The following SEMA5A variants were observed in gnomAD, a reference collection of about 807,000 sequenced individuals.
SEMA5A encodes semaphorin 5A, also known as semaphorin-5A.
SEMA5A carries 55 observed loss-of-function variants against 135.5 expected under a neutral mutation model. That is an observed-to-expected ratio of 0.41 (90% CI 0.33 to 0.51). The LOEUF (loss-of-function observed/expected upper bound fraction) is 0.51. SEMA5A is among the 20% of genes least tolerant of loss of function. SEMA5A has a pLI of 0.37. For missense variants in SEMA5A, 1,290 were observed against 1,419.9 expected (o/e 0.91, Z 1.47); for synonymous variants, 580 against 546.5 (o/e 1.06, Z -0.85).
At chr5:9,054,865 C>G (rs995555955) in intron 18 of SEMA5A, among the ~76,000 whole-genome samples, 2 of 152,186 alleles carry the variant, frequency 1.3e-5, no homozygotes, top group African/African-American at 2.4e-5. Flanking sequence ...ACAGACTTGA[C>G]ACTATGTTTA....
At chr5:9,193,032 C>T (rs766287096) in intron 10 of SEMA5A, among the ~76,000 whole-genome samples, 1 of 151,986 alleles carries the variant, frequency 6.6e-6, no homozygotes. Flanking sequence ...ATTTATATAT[C>T]GCCTGTATCA....
intron 22 of SEMA5A, 48 bp from the exon 23 acceptor site, chr5:9,043,064 T>C (rs753019826): frequency 6.7e-7 from 1 of 1,492,346 alleles, no homozygotes; most frequent in South Asian, 1.2e-5. Flanking sequence ...CTGAGTAGCA[T>C]TTCAGAAATA....
chr5:9,434,687 T>C (rs777663364), intron 2 of SEMA5A, among the ~76,000 whole-genome samples: 15 of 152,146 alleles, frequency 9.9e-5, no homozygotes, highest in Non-Finnish European at 1.8e-4. Flanking sequence ...TAATAAGGAA[T>C]CAAGGATAGT....
intron 6 of SEMA5A, among the ~76,000 whole-genome samples, chr5:9,234,106 G>A (rs1448572638): frequency 6.6e-6 from 1 of 152,200 alleles, no homozygotes; most frequent in East Asian, 1.9e-4. Context: ...ACTAAGAAAA[G>A]TCTTCATTCC....
chr5:9,197,251 G>A lies in SEMA5A; in HGVS notation c.985C>T (p.Gln329Ter). 1 of 1,614,210 alleles carries A rather than the reference G, an allele frequency of 6.2e-7. No individual in the cohort carries two copies. Among genetic ancestry groups the A allele is most frequent in the South Asian group, 1.1e-5 (1 of 91,082 alleles). Reference sequence around the variant, plus strand: ...TACTTGAAGGGCCCAGAGAAGGCCTGCGCGATGGCGCTCAGGTTGAAGACG... The same window carrying A: ...TACTTGAAGGGCCCAGAGAAGGCCTACGCGATGGCGCTCAGGTTGAAGACG... ...VCVFNLSAIA[Q>*]AFSGPFKYQE... Residue 329 changes from glutamine (Q) to a stop codon, truncating the protein, a stop_gained, in exon 10 of 23, where the codon CAG becomes TAG. Transcript: ENST00000382496. LOFTEE classifies it high-confidence loss of function.
At chr5:9,352,901 A>G (rs1754191555) in intron 3 of SEMA5A, among the ~76,000 whole-genome samples, 1 of 152,118 alleles carries the variant, frequency 6.6e-6, no homozygotes, top group African/African-American at 2.4e-5. Context: ...CAAAATATTT[A>G]CTATCTTACC....
chr5:9,157,248 TG>T (rs1418473252), intron 11 of SEMA5A, among the ~76,000 whole-genome samples: 3 of 152,202 alleles, frequency 2.0e-5, no homozygotes, highest in Admixed American at 6.5e-5. Context: ...AACTCCTGCA[TG>T]CTCACATGTT....
At chr5:9,323,822 T>C (rs2150682823) in intron 4 of SEMA5A, among the ~76,000 whole-genome samples, 1 of 151,846 alleles carries the variant, frequency 6.6e-6, no homozygotes, top group South Asian at 2.1e-4. Context: ...CCACCACGCC[T>C]GACTAATTTT....
intron 10 of SEMA5A, 40 bp downstream of exon 10, chr5:9,197,128 G>C (rs757700721): frequency 1.9e-6 from 3 of 1,612,764 alleles, no homozygotes; most frequent in Non-Finnish European, 2.5e-6. Flanking sequence ...CATTCTTCAT[G>C]GGGGATGCCA....
chr5:9,539,345 T>C (rs1737951808), intron 1 of SEMA5A, among the ~76,000 whole-genome samples: 1 of 152,242 alleles, frequency 6.6e-6, no homozygotes, highest in East Asian at 1.9e-4. Context: ...CACATTTTGT[T>C]TACCTATTCT....
At chr5:9,049,589 T>G (rs1232631448) in intron 21 of SEMA5A, among the ~76,000 whole-genome samples, 1 of 152,204 alleles carries the variant, frequency 6.6e-6, no homozygotes, top group Admixed American at 6.5e-5. Flanking sequence ...TGGGCTGGGC[T>G]CTCTGAGACA....
At chr5:9,055,757 G>T (rs902698717) in intron 18 of SEMA5A, among the ~76,000 whole-genome samples, 1 of 152,020 alleles carries the variant, frequency 6.6e-6, no homozygotes, top group Non-Finnish European at 1.5e-5. Context: ...GAATTCAACA[G>T]TATTTTCCCT....
intron 5 of SEMA5A, among the ~76,000 whole-genome samples, chr5:9,247,222 T>C (rs1748527984): frequency 6.6e-6 from 1 of 152,172 alleles, no homozygotes; most frequent in Admixed American, 6.6e-5. Context: ...CCATTTGTGA[T>C]TTTGTGTGTT....
At chr5:9,298,195 A>G (rs970407509) in intron 5 of SEMA5A, among the ~76,000 whole-genome samples, 2 of 151,870 alleles carry the variant, frequency 1.3e-5, no homozygotes, top group African/African-American at 2.4e-5. Flanking sequence ...TGTCCTATGA[A>G]AAAGGGAAAT....
At chr5:9,474,072 T>A (rs903786767) in intron 1 of SEMA5A, among the ~76,000 whole-genome samples, 13 of 152,146 alleles carry the variant, frequency 8.5e-5, no homozygotes, top group East Asian at 1.9e-4. Flanking sequence ...GAGTTTTTTT[T>A]AAATATTAGA....
At chr5:9,258,650 T>G (rs984433718) in intron 5 of SEMA5A, among the ~76,000 whole-genome samples, 1 of 152,146 alleles carries the variant, frequency 6.6e-6, no homozygotes, top group Non-Finnish European at 1.5e-5. Context: ...CATTGCTTGC[T>G]GGATATAATA....
chr5:9,354,864 A>G (rs1049201159), intron 3 of SEMA5A, among the ~76,000 whole-genome samples: 11 of 152,182 alleles, frequency 7.2e-5, no homozygotes, highest in African/African-American at 1.9e-4. Flanking sequence ...GGCAAAGGGC[A>G]TTCCAAGAGA....
intron 16 of SEMA5A, among the ~76,000 whole-genome samples, chr5:9,098,273 A>AAAT (rs1197580152): frequency 1.3e-5 from 2 of 151,456 alleles, no homozygotes; most frequent in Non-Finnish European, 2.9e-5. Context: ...ATAAATAAAT[A>AAAT]AATAAAATGA....
intron 5 of SEMA5A, among the ~76,000 whole-genome samples, chr5:9,262,235 G>C (rs1370046318): frequency 4.5e-4 from 46 of 102,458 alleles, no homozygotes; most frequent in African/African-American, 1.9e-3. Flanking sequence ...TCATTAAAAA[G>C]TCAGGAAACA....
Sources: gnomAD v4.1 joint callset for allele counts (sites outside exome capture counted in the v4.1 genomes callset) on GRCh38, gnomAD v4.1.1 for gene constraint, MANE v1.5 for transcripts, NCBI Gene and HGNC (gene_info 2026-07-23, HGNC 2026-07-21) for gene names.